ELMO1: variants seen among roughly 807,000 people sequenced by gnomAD.
ELMO1 encodes the protein engulfment and cell motility protein 1.
In ELMO1, 26 loss-of-function variants were observed where a neutral mutation model predicts 98.9. The ratio of observed to expected loss-of-function variants is 0.26; its 90% confidence interval spans 0.19 to 0.36. The LOEUF is 0.36. ELMO1 is among the 10% of genes least tolerant of loss of function. The pLI is 1.00. For synonymous variants in ELMO1, 346 were observed against 346.0 expected (o/e 1.00, Z 0.00); for missense variants, 627 against 935.2 (o/e 0.67, Z 4.30).
intron 7 of ELMO1, among the ~76,000 whole-genome samples, chr7:37,238,329 T>C (rs958170754): frequency 6.6e-6 from 1 of 152,226 alleles, no homozygotes; most frequent in African/African-American, 2.4e-5. Flanking sequence ...TTTGATACTT[T>C]ATAAGTGGAA....
chr7:37,047,980 T>G (rs934620915), intron 15 of ELMO1, among the ~76,000 whole-genome samples: 2 of 152,240 alleles, frequency 1.3e-5, no homozygotes, highest in African/African-American at 4.8e-5. Context: ...TCATGGTTTA[T>G]CTGAAAAATC....
intron 13 of ELMO1, among the ~76,000 whole-genome samples, chr7:37,136,497 GA>G: frequency 1.3e-5 from 2 of 152,272 alleles, no homozygotes; most frequent in South Asian, 4.1e-4. Flanking sequence ...ACCTATAACG[GA>G]AAACCTATCA....
At chr7:36,978,140 A>G (rs1790740760) in intron 16 of ELMO1, among the ~76,000 whole-genome samples, 1 of 152,216 alleles carries the variant, frequency 6.6e-6, no homozygotes, top group Admixed American at 6.5e-5. Flanking sequence ...AGTGGATATT[A>G]GCAAGTCAAT....
chr7:36,951,030 C>A (rs927823541), intron 16 of ELMO1, among the ~76,000 whole-genome samples: 1 of 152,214 alleles, frequency 6.6e-6, no homozygotes, highest in Non-Finnish European at 1.5e-5. Context: ...GTCCACAAGT[C>A]TTTTTGAGCT....
chr7:37,253,497 T>C (rs115515453), intron 6 of ELMO1, among the ~76,000 whole-genome samples: 4,777 of 152,280 alleles, frequency 0.031, 177 homozygotes, highest in East Asian at 0.1. Flanking sequence ...AAACACCGCA[T>C]GTTCTCACTT....
At chr7:37,432,792 C>A (rs892578342) in intron 1 of ELMO1, among the ~76,000 whole-genome samples, 3 of 152,168 alleles carry the variant, frequency 2.0e-5, no homozygotes, top group African/African-American at 7.2e-5. Context: ...CTGGCTGAAC[C>A]GTGGATGAAG....
chr7:37,180,825 C>CAA (rs1375446660), intron 13 of ELMO1, among the ~76,000 whole-genome samples: 2 of 151,946 alleles, frequency 1.3e-5, no homozygotes, highest in Non-Finnish European at 2.9e-5. Context: ...CACACACACA[C>CAA]ACACACATGC....
intron 16 of ELMO1, among the ~76,000 whole-genome samples, chr7:36,904,217 C>T (rs111707071): frequency 1.2e-3 from 179 of 152,286 alleles, no homozygotes; most frequent in African/African-American, 3.7e-3. Flanking sequence ...GTCCAGGCAG[C>T]GCCTGGAGAA....
At chr7:37,180,840 G>A (rs557642071) in intron 13 of ELMO1, among the ~76,000 whole-genome samples, 2 of 150,916 alleles carry the variant, frequency 1.3e-5, no homozygotes, top group African/African-American at 2.4e-5. Context: ...ACATGCACAC[G>A]CAAACAGAGA....
At chr7:37,294,235 T>C (rs1432414987) in intron 4 of ELMO1, among the ~76,000 whole-genome samples, 1 of 152,056 alleles carries the variant, frequency 6.6e-6, no homozygotes, top group Non-Finnish European at 1.5e-5. Flanking sequence ...TTTGCACCTA[T>C]AATCCCAGCT....
chr7:37,088,102 T>C (rs1003253805), intron 15 of ELMO1, among the ~76,000 whole-genome samples: 4 of 152,174 alleles, frequency 2.6e-5, no homozygotes, highest in African/African-American at 9.7e-5. Flanking sequence ...AGCCATGACC[T>C]CTAAGAGACA....
At chr7:37,040,931 T>A (rs1271833308) in intron 15 of ELMO1, among the ~76,000 whole-genome samples, 1 of 151,370 alleles carries the variant, frequency 6.6e-6, no homozygotes, top group South Asian at 2.1e-4. Context: ...ACAAAAAAAA[T>A]CAGCTGGGCG....
chr7:37,264,525 A>T (rs966581763), intron 5 of ELMO1, among the ~76,000 whole-genome samples: 1 of 152,222 alleles, frequency 6.6e-6, no homozygotes, highest in East Asian at 1.9e-4. Flanking sequence ...AAGAGTCAAC[A>T]TTATTAAAAA....
chr7:37,201,988 C>T (rs920272596), intron 13 of ELMO1, among the ~76,000 whole-genome samples: 19 of 152,264 alleles, frequency 1.2e-4, no homozygotes, highest in Non-Finnish European at 8.8e-5. Context: ...CCAGGTAATC[C>T]CTTTACCCAT....
intron 4 of ELMO1, among the ~76,000 whole-genome samples, chr7:37,291,083 A>C (rs2717982): frequency 0.35 from 53,335 of 152,072 alleles, 10,506 homozygotes; most frequent in Middle Eastern, 0.54. Flanking sequence ...TGACATATGA[A>C]AGAAGTGACA....
intron 1 of ELMO1, among the ~76,000 whole-genome samples, chr7:37,438,728 G>T (rs1340753337): frequency 6.6e-6 from 1 of 152,178 alleles, no homozygotes; most frequent in African/African-American, 2.4e-5. Context: ...TCGAAGAGGT[G>T]GGGACTTATA....
At chr7:36,992,629 A>G (rs1426797527) in intron 16 of ELMO1, among the ~76,000 whole-genome samples, 1 of 152,224 alleles carries the variant, frequency 6.6e-6, no homozygotes, top group East Asian at 1.9e-4. Context: ...AATGAGAAAC[A>G]GCTTCTTCAC....
At chr7:37,025,903 A>ATCTG (rs1244261791) in intron 15 of ELMO1, among the ~76,000 whole-genome samples, 1 of 146,700 alleles carries the variant, frequency 6.8e-6, no homozygotes, top group Non-Finnish European at 1.5e-5. Flanking sequence ...TATTCTATCT[A>ATCTG]TCTATCTATC....
At position 37,122,347 on chromosome 7, in the gene ELMO1, G is replaced by A. The variant is rs555428969; in HGVS notation, c.1191+10783C>T. Among the ~76,000 whole-genome samples the A allele has an allele frequency of 3.3e-5, 5 of 152,222 alleles. No homozygotes were observed. In the South Asian group the frequency reaches 1.0e-3, roughly 32 times the overall value. ...ATTAAAAGACACAGACTGGCAAATT[G>A]GATAATGAGTCAAGACCCATCAGTG... is the stretch of plus-strand genomic sequence containing the variant. On this transcript the variant is annotated intron_variant, in intron 14 of 21. Transcript: ENST00000310758.
Sources: gnomAD v4.1 joint callset for allele counts (sites outside exome capture counted in the v4.1 genomes callset) on GRCh38, gnomAD v4.1.1 for gene constraint, MANE v1.5 for transcripts, NCBI Gene and HGNC (gene_info 2026-07-23, HGNC 2026-07-21) for gene names.